ASCC3: variants seen among roughly 807,000 people sequenced by gnomAD.
The protein encoded by ASCC3 is ASC-1 complex subunit P200.
In ASCC3, 158 loss-of-function variants were observed where a neutral mutation model predicts 256.3. The ratio of observed to expected loss-of-function variants is 0.62; its 90% confidence interval spans 0.54 to 0.70. The LOEUF is 0.70. Among genes scored for constraint, ASCC3 ranks in the 30% least tolerant of loss-of-function variants. The pLI is 0.00. For missense variants in ASCC3, 2,259 were observed against 2,626.0 expected, an observed-to-expected ratio of 0.86 and a Z score of 3.05; for synonymous variants, 948 against 883.4, an observed-to-expected ratio of 1.07 and a Z score of -1.30.
intron 3 of ASCC3, among the ~76,000 whole-genome samples, chr6:100,854,736 C>A (rs1772855861): frequency 6.6e-6 from 1 of 152,116 alleles, no homozygotes; most frequent in African/African-American, 2.4e-5. Context: ...ACTTCCCAAG[C>A]AACCAAATAG....
Position 100,629,047 on chromosome 6 carries a change from G to T in ASCC3, c.4343C>A (p.Thr1448Asn), listed in dbSNP as rs1412658067. 1 of 1,613,640 alleles carries T rather than the reference G, an allele frequency of 6.2e-7. No homozygotes were observed. ...WQNRNYVQQVTILIIDEIHLL... is the reference protein window; with the variant it reads ...WQNRNYVQQVNILIIDEIHLL... ...ATGGATCTCATCTATGATGAGAATA[G>T]TGACTTGCTGAACATAGTTCCTATT... is the stretch of plus-strand genomic sequence containing the variant. The change falls in exon 27 of 42, where the codon ACT (threonine) becomes AAT (asparagine). Residue 1448 changes from threonine to asparagine, a missense_variant. Around this residue, in one of 2 missense-constraint regions of ASCC3, gnomAD observed 1,839 missense variants for 2,206.7 expected, o/e 0.83. Transcript: ENST00000369162.
intron 4 of ASCC3, among the ~76,000 whole-genome samples, chr6:100,838,033 T>A (rs1011923435): frequency 1.3e-5 from 2 of 152,090 alleles, no homozygotes; most frequent in Admixed American, 6.5e-5. Flanking sequence ...AAACAAAATT[T>A]AAAAAAATTT....
At chr6:100,656,592 C>T (rs1447442604) in intron 16 of ASCC3, among the ~76,000 whole-genome samples, 2 of 151,206 alleles carry the variant, frequency 1.3e-5, no homozygotes, top group Non-Finnish European at 1.5e-5. Context: ...TTTAATGTAG[C>T]TTTGTGATAT....
chr6:100,537,712 G>A (rs990033634), intron 37 of ASCC3, among the ~76,000 whole-genome samples: 2 of 151,552 alleles, frequency 1.3e-5, no homozygotes, highest in Admixed American at 6.6e-5. Context: ...TGTGGGTGAA[G>A]GTATAATTAC....
At chr6:100,839,337 A>G (rs1285429406) in intron 4 of ASCC3, among the ~76,000 whole-genome samples, 1 of 152,174 alleles carries the variant, frequency 6.6e-6, no homozygotes, top group Non-Finnish European at 1.5e-5. Flanking sequence ...TAAATGAATG[A>G]GTGAACAGTA....
At position 100,583,550 on chromosome 6, in the gene ASCC3, A is replaced by G. The variant is rs190224211; in HGVS notation, c.5550+6084T>C. 3.5e-3 allele frequency among the ~76,000 whole-genome samples: 537 copies of G among 152,114 alleles called. 3 individuals carry two copies. Among genetic ancestry groups the G allele is most frequent in the African/African-American group, 0.013 (519 of 41,472 alleles). On this transcript the variant is annotated intron_variant, in intron 36 of 41. Transcript: ENST00000369162. ...TTTCCAAAAACCAGCTCCTGAATTC[A>G]TTAATTTTTTGAAAGGTTTTTTGTG...
At chr6:100,763,137 G>A (rs573095119) in intron 10 of ASCC3, among the ~76,000 whole-genome samples, 4 of 152,264 alleles carry the variant, frequency 2.6e-5, no homozygotes, top group African/African-American at 9.6e-5. Flanking sequence ...ATAATTCTCT[G>A]CTTTGCTTTC....
chr6:100,644,639 C>A (rs1775292611), intron 22 of ASCC3, among the ~76,000 whole-genome samples: 1 of 152,164 alleles, frequency 6.6e-6, no homozygotes, highest in Non-Finnish European at 1.5e-5. Context: ...AGAACCCAGT[C>A]TTGTTCAGCA....
chr6:100,584,737 A>G (rs983970330), intron 36 of ASCC3, among the ~76,000 whole-genome samples: 1 of 151,362 alleles, frequency 6.6e-6, no homozygotes, highest in South Asian at 2.1e-4. Context: ...TTTCCTTTCC[A>G]TATTTAGTGC....
chr6:100,601,122 A>G (rs549641813), intron 34 of ASCC3, among the ~76,000 whole-genome samples: 1 of 151,554 alleles, frequency 6.6e-6, no homozygotes, highest in South Asian at 2.1e-4. Context: ...CGCCTTTTCT[A>G]CTCCTGTTCC....
chr6:100,852,671 T>TA (rs1772740694), intron 3 of ASCC3, among the ~76,000 whole-genome samples: 1 of 152,176 alleles, frequency 6.6e-6, no homozygotes, highest in South Asian at 2.1e-4. Flanking sequence ...GATAAATTGA[T>TA]ACACTAATCA....
chr6:100,804,513 T>A (rs1179269242), intron 5 of ASCC3, among the ~76,000 whole-genome samples: 2 of 152,002 alleles, frequency 1.3e-5, no homozygotes, highest in Non-Finnish European at 2.9e-5. Flanking sequence ...AGAAAATAAC[T>A]GTATCTGACA....
intron 3 of ASCC3, chr6:100,858,611 C>T (rs1418543012): frequency 1.0e-6 from 1 of 987,162 alleles, no homozygotes. Flanking sequence ...ACCCTATCTT[C>T]TCATATTTAT....
intron 34 of ASCC3, among the ~76,000 whole-genome samples, chr6:100,597,123 CTTTCTT>C (rs377627449): frequency 1.1e-3 from 162 of 152,276 alleles, no homozygotes; most frequent in African/African-American, 3.5e-3. Context: ...CCCACCCTGA[CTTTCTT>C]TTTAATACAG....
At chr6:100,517,760 G>A (rs1774105711) in intron 38 of ASCC3, among the ~76,000 whole-genome samples, 1 of 152,006 alleles carries the variant, frequency 6.6e-6, no homozygotes, top group Admixed American at 6.6e-5. Flanking sequence ...GCTTCAAATG[G>A]AAAATGATTT....
chr6:100,747,517 T>C (rs1476330317), intron 10 of ASCC3, among the ~76,000 whole-genome samples: 5 of 152,126 alleles, frequency 3.3e-5, no homozygotes, highest in South Asian at 2.1e-4. Context: ...AAACAATCCA[T>C]GGTATAACCA....
intron 4 of ASCC3, among the ~76,000 whole-genome samples, chr6:100,815,350 T>C (rs1034499260): frequency 1.3e-5 from 2 of 152,064 alleles, no homozygotes; most frequent in Non-Finnish European, 2.9e-5. Context: ...CAAAACAATT[T>C]ATAGATTCAA....
intron 14 of ASCC3, among the ~76,000 whole-genome samples, chr6:100,674,051 CT>C: frequency 6.6e-6 from 1 of 152,174 alleles, no homozygotes; most frequent in East Asian, 1.9e-4. Context: ...TGTATATTAA[CT>C]TTTTCTTTTA....
At chr6:100,817,913 A>G (rs1770831772) in intron 4 of ASCC3, among the ~76,000 whole-genome samples, 1 of 152,220 alleles carries the variant, frequency 6.6e-6, no homozygotes, top group Non-Finnish European at 1.5e-5. Flanking sequence ...ATTTTAGGAC[A>G]GTATTACTCT....
Sources: gnomAD v4.1 joint callset for allele counts (sites outside exome capture counted in the v4.1 genomes callset) on GRCh38, gnomAD v4.1.1 for gene constraint, gnomAD v4.1.1 regional missense constraint, MANE v1.5 for transcripts, NCBI Gene and HGNC (gene_info 2026-07-23, HGNC 2026-07-21) for gene names.